LINGO2: variants seen among roughly 807,000 people sequenced by gnomAD.
The protein encoded by LINGO2 is leucine-rich repeat and immunoglobulin-like domain-containing nogo receptor-interacting protein 2.
In LINGO2, 14 loss-of-function variants were observed where a neutral mutation model predicts 30.6. The ratio of observed to expected loss-of-function variants is 0.46; its 90% CI spans 0.30 to 0.72. LINGO2 has a LOEUF of 0.72. LINGO2 is among the 30% of genes least tolerant of loss of function. The pLI is 0.07. For synonymous variants in LINGO2, 317 were observed against 288.5 expected (o/e 1.10, Z -1.00); for missense variants, 729 against 751.7 (o/e 0.97, Z 0.35).
Position 28,041,696 on chromosome 9 carries a change from G to A in LINGO2, c.-86-29291C>T, listed in dbSNP as rs139557242. Among the ~76,000 whole-genome samples, 39 of 152,306 alleles carry A rather than the reference G, an allele frequency of 2.6e-4. No individual in the cohort carries two copies. The East Asian group carries it at 6.6e-3, about 26-fold the overall frequency. On this transcript the variant is annotated intron_variant, in intron 4 of 5. Coordinates refer to ENST00000379992, the Ensembl canonical transcript of LINGO2. ...TAATCAAATCACTTTATATTTGGCAGAGATGTGAGCCCAGAGAATTATCAG... is the reference window on the plus strand; with the variant it reads ...TAATCAAATCACTTTATATTTGGCAAAGATGTGAGCCCAGAGAATTATCAG...
At chr9:28,057,721 G>A (rs527931161) in intron 4 of LINGO2, among the ~76,000 whole-genome samples, 16 of 148,190 alleles carry the variant, frequency 1.1e-4, no homozygotes, top group African/African-American at 4.0e-4. Flanking sequence ...ATACGTTCAT[G>A]TTAACACCAG....
intron 3 of LINGO2, among the ~76,000 whole-genome samples, chr9:28,304,427 C>T (rs1016315388): frequency 6.6e-6 from 1 of 151,500 alleles, no homozygotes; most frequent in Non-Finnish European, 1.5e-5. Context: ...GAGAGTGAAA[C>T]ATAAGATTTT....
chr9:28,349,094 C>A (rs1819733100), intron 3 of LINGO2, among the ~76,000 whole-genome samples: 1 of 152,160 alleles, frequency 6.6e-6, no homozygotes, highest in African/African-American at 2.4e-5. Context: ...CAGAGCGCCT[C>A]TCCTCCTCCA....
chr9:28,426,268 T>C (rs1017235906), intron 2 of LINGO2, among the ~76,000 whole-genome samples: 1 of 152,122 alleles, frequency 6.6e-6, no homozygotes, highest in South Asian at 2.1e-4. Flanking sequence ...CCCTATAGGT[T>C]TGCCTATAAC....
Position 28,148,616 on chromosome 9 carries a change from G to C in LINGO2, c.-86-136211C>G. ...CAATCCCAGGCCCTTGGAGGGAAAT[G>C]TCCACCTCAAGAGCTTGACAGAAAA... On this transcript the variant is annotated intron_variant, in intron 4 of 5. Coordinates refer to ENST00000379992, the Ensembl canonical transcript of LINGO2. This position sits in a 1 kb window ranked among gnomAD's most constrained non-coding sequence, Gnocchi z 5.1. 2.0e-6 allele frequency: 3 copies of C among 1,520,302 alleles called. No homozygotes were observed. Among genetic ancestry groups the C allele is most frequent in the Non-Finnish European group, 2.6e-6 (3 of 1,133,844 alleles). The allele number at this position is 1,520,302 out of a possible 1,614,324, so 94.2% of individuals were successfully genotyped here.
chr9:28,086,482 G>T (rs1326965013), intron 4 of LINGO2, among the ~76,000 whole-genome samples: 1 of 151,938 alleles, frequency 6.6e-6, no homozygotes, highest in East Asian at 1.9e-4. Context: ...TTGAAACAAA[G>T]AATATATTTC....
intron 5 of LINGO2, among the ~76,000 whole-genome samples, chr9:27,988,562 T>C (rs1248798562): frequency 6.6e-6 from 1 of 152,082 alleles, no homozygotes; most frequent in East Asian, 1.9e-4. Context: ...TGAGATGGTA[T>C]CTCACTGTGG....
chr9:29,084,786 G>A, the LINGO2 span, among the ~76,000 whole-genome samples: 1 of 151,884 alleles, frequency 6.6e-6, no homozygotes, highest in African/African-American at 2.4e-5. Context: ...TAGCATTTAT[G>A]TATGTGATTA....
chr9:28,659,850 TA>T (rs1304877090), intron 1 of LINGO2, among the ~76,000 whole-genome samples: 1 of 151,982 alleles, frequency 6.6e-6, no homozygotes, highest in Non-Finnish European at 1.5e-5. Context: ...ATCATATACT[TA>T]AAAAAATGGC....
intron 1 of LINGO2, among the ~76,000 whole-genome samples, chr9:28,578,095 T>C (rs942580084): frequency 6.6e-6 from 1 of 152,160 alleles, no homozygotes; most frequent in Non-Finnish European, 1.5e-5. Flanking sequence ...AACTTTGATG[T>C]AGCTATAATG....
the LINGO2 span, among the ~76,000 whole-genome samples, chr9:29,179,782 G>A: frequency 1.3e-5 from 2 of 152,120 alleles, no homozygotes; most frequent in African/African-American, 2.4e-5. Flanking sequence ...TATTTTTGCA[G>A]TATATTTCCA....
At chr9:28,427,290 A>T (rs1019504055) in intron 2 of LINGO2, among the ~76,000 whole-genome samples, 7 of 152,082 alleles carry the variant, frequency 4.6e-5, no homozygotes, top group African/African-American at 1.4e-4. Flanking sequence ...GGGGCACTAG[A>T]GGGGTTTCTT....
chr9:28,985,516 C>T, the LINGO2 span, among the ~76,000 whole-genome samples: 2 of 152,064 alleles, frequency 1.3e-5, no homozygotes, highest in African/African-American at 4.8e-5. Context: ...CCACATTATT[C>T]CCAGCATGTG....
At chr9:28,644,970 A>G (rs940075920) in intron 1 of LINGO2, among the ~76,000 whole-genome samples, 1 of 152,084 alleles carries the variant, frequency 6.6e-6, no homozygotes, top group Admixed American at 6.6e-5. Context: ...CAATTTAAAA[A>G]TCCCAGATGA....
intron 5 of LINGO2, among the ~76,000 whole-genome samples, chr9:27,997,105 T>C (rs922689967): frequency 1.1e-4 from 16 of 152,196 alleles, no homozygotes; most frequent in African/African-American, 3.9e-4. Context: ...TACCATCAGT[T>C]ACTTCTGACA....
chr9:28,503,682 T>G (rs1401371588), intron 1 of LINGO2, among the ~76,000 whole-genome samples: 2 of 152,058 alleles, frequency 1.3e-5, no homozygotes. Flanking sequence ...TTAGACATTA[T>G]TCTTTGAAAA....
intron 2 of LINGO2, among the ~76,000 whole-genome samples, chr9:28,419,867 A>G (rs185186251): frequency 6.6e-6 from 1 of 152,206 alleles, no homozygotes; most frequent in Admixed American, 6.5e-5. Context: ...GAAATGGATT[A>G]TAAAAAGTAA....
the LINGO2 span, among the ~76,000 whole-genome samples, chr9:29,136,586 A>G: frequency 1.3e-5 from 2 of 152,150 alleles, no homozygotes; most frequent in Non-Finnish European, 2.9e-5. Flanking sequence ...TGACTCCTGT[A>G]GCACTTCTCT....
the LINGO2 span, among the ~76,000 whole-genome samples, chr9:28,722,336 T>G: frequency 6.6e-6 from 1 of 152,148 alleles, no homozygotes; most frequent in East Asian, 1.9e-4. Flanking sequence ...TGAAATCTTT[T>G]GTTTGACCTG....
Sources: allele counts gnomAD v4.1 joint callset (sites outside exome capture counted in the v4.1 genomes callset), GRCh38; gene constraint gnomAD v4.1.1; non-coding constraint Gnocchi (gnomAD v3.1); transcripts MANE v1.5; gene names NCBI Gene and HGNC (gene_info 2026-07-23, HGNC 2026-07-21).